The following PIGL variants were observed in gnomAD, a reference collection of about 807,000 sequenced individuals.
PIGL encodes phosphatidylinositol glycan anchor biosynthesis class L, also known as N-acetylglucosaminyl-phosphatidylinositol de-N-acetylase.
A neutral mutation model predicts 31.1 loss-of-function variants in PIGL; 22 were observed. That is an observed-to-expected ratio of 0.71 (90% confidence interval 0.51 to 1.01). The LOEUF (loss-of-function observed/expected upper bound fraction) is 1.01, where lower values mean the gene tolerates loss of function less well. Ranked by LOEUF, PIGL falls within the 50% of genes least tolerant of loss-of-function variation. The pLI, the probability that PIGL is intolerant of heterozygous loss-of-function variation, is 0.00. For synonymous variants in PIGL, 131 were observed against 117.4 expected, an observed-to-expected ratio of 1.12 and a Z score of -0.75; for missense variants, 302 against 315.9, an observed-to-expected ratio of 0.96 and a Z score of 0.33.
intron 1 of PIGL, among the ~76,000 whole-genome samples, chr17:16,229,931 A>G (rs1000796261): frequency 6.1e-5 from 8 of 130,220 alleles, no homozygotes; most frequent in African/African-American, 2.4e-4. Flanking sequence ...GCACGATCTC[A>G]GCTCACTGCA....
chr17:16,248,874 A>G (rs2092759326), intron 2 of PIGL, among the ~76,000 whole-genome samples: 1 of 152,214 alleles, frequency 6.6e-6, no homozygotes, highest in African/African-American at 2.4e-5. Flanking sequence ...CCTGCAGACT[A>G]GAAGTCCCAG....
intron 2 of PIGL, among the ~76,000 whole-genome samples, chr17:16,273,660 A>G (rs1157754655): frequency 1.3e-5 from 2 of 152,086 alleles, no homozygotes; most frequent in Admixed American, 6.6e-5. Context: ...AGAGGTAGCT[A>G]TTCTAAGGCT....
chr17:16,314,052 A>G (rs1476213837), intron 4 of PIGL, among the ~76,000 whole-genome samples: 1 of 152,110 alleles, frequency 6.6e-6, no homozygotes, highest in Non-Finnish European at 1.5e-5. Flanking sequence ...ACAACTCTCA[A>G]ATCTTTCTTG....
chr17:16,237,086 C>T (rs1374405935), intron 2 of PIGL, among the ~76,000 whole-genome samples: 1 of 146,082 alleles, frequency 6.8e-6, no homozygotes, highest in African/African-American at 2.5e-5. Context: ...TACAGGCACT[C>T]ACCACCACAC....
rs770695441 is a variant in PIGL at position 16,313,616 on chromosome 17, TATG to T, written c.494+5_494+7del. On this transcript the variant is annotated splice_donor_5th_base_variant and intron_variant, in intron 4 of 6. Coordinates refer to ENST00000225609, the MANE Select transcript of PIGL (RefSeq NM_004278.4). The stretch of plus-strand genomic sequence containing the variant: ...CATTGCTCTGTATGCAGCTGTGAGG[TATG>T]ATTCTCCGGGTGATGGATGTGGGGG... 11 of 1,610,046 alleles carry T rather than the reference TATG, an allele frequency of 6.8e-6. No homozygotes were observed. Among genetic ancestry groups the T allele is most frequent in the Admixed American group, 1.7e-5 (1 of 59,994 alleles).
In PIGL at chr17:16,279,349, T is replaced by C. The variant is rs77300367; in HGVS notation, c.336-20539T>C. Among the ~76,000 whole-genome samples, 1,012 of 152,334 alleles carry C rather than the reference T, an allele frequency of 6.6e-3. 11 individuals carry two copies. The highest frequency in any genetic ancestry group is 0.023 in the African/African-American group (945 of 41,568). ...CATTTCTACAACCTAATTTTTGACA[T>C]ATTTTAGATGCCAGTTCATTTACTG... On this transcript the variant is annotated intron_variant, in intron 2 of 6. Coordinates refer to ENST00000225609, the MANE Select transcript of PIGL (RefSeq NM_004278.4).
intron 2 of PIGL, among the ~76,000 whole-genome samples, chr17:16,255,460 A>C (rs11650427): frequency 0.41 from 61,783 of 152,024 alleles, 13,429 homozygotes; most frequent in Middle Eastern, 0.53. Flanking sequence ...AAGGAAATAT[A>C]ATCTGGTACC....
intron 2 of PIGL, among the ~76,000 whole-genome samples, chr17:16,268,812 G>C (rs1391754380): frequency 1.3e-5 from 2 of 151,192 alleles, no homozygotes; most frequent in African/African-American, 4.9e-5. Context: ...GCCCAGGCTG[G>C]AGTGCAGTGG....
At chr17:16,229,213 G>A (rs932413664) in intron 1 of PIGL, among the ~76,000 whole-genome samples, 1 of 152,080 alleles carries the variant, frequency 6.6e-6, no homozygotes, top group Middle Eastern at 3.2e-3. Flanking sequence ...GGAGGTCAAG[G>A]CTGCAGTAAG....
chr17:16,246,505 C>A (rs1033886329), intron 2 of PIGL, among the ~76,000 whole-genome samples: 4 of 149,226 alleles, frequency 2.7e-5, no homozygotes, highest in Admixed American at 2.7e-4. Flanking sequence ...AGTGAGACTC[C>A]GTCTCAAAAA....
At chr17:16,310,919 G>A (rs1049270281) in intron 3 of PIGL, among the ~76,000 whole-genome samples, 8 of 152,204 alleles carry the variant, frequency 5.3e-5, no homozygotes, top group African/African-American at 1.7e-4. Context: ...CCACCACTCA[G>A]TGGCAAGGTG....
chr17:16,256,425 C>T (rs2092793784), intron 2 of PIGL, among the ~76,000 whole-genome samples: 1 of 152,170 alleles, frequency 6.6e-6, no homozygotes, highest in South Asian at 2.1e-4. Flanking sequence ...GCAACCTCCA[C>T]CTCCCGATTC....
intron 4 of PIGL, 85 bp from the exon 5 acceptor site, chr17:16,316,596 G>A (rs1206515278): frequency 8.2e-6 from 11 of 1,348,722 alleles, no homozygotes; most frequent in Non-Finnish European, 9.2e-6. Context: ...CATGGGCATG[G>A]CAGCCTTTCC....
chr17:16,290,245 G>A (rs1307217741), intron 2 of PIGL, among the ~76,000 whole-genome samples: 3 of 150,726 alleles, frequency 2.0e-5, no homozygotes, highest in African/African-American at 7.3e-5. Context: ...ACCACACCCG[G>A]CTAATTATTG....
chr17:16,260,117 C>T (rs921253972), intron 2 of PIGL, among the ~76,000 whole-genome samples: 21 of 152,172 alleles, frequency 1.4e-4, no homozygotes, highest in Admixed American at 5.2e-4. Context: ...AGTGGGAGGC[C>T]GAGGGGGTGC....
chr17:16,221,233 G>C (rs2092627528), intron 1 of PIGL, among the ~76,000 whole-genome samples: 1 of 152,110 alleles, frequency 6.6e-6, no homozygotes, highest in Admixed American at 6.6e-5. Flanking sequence ...TTAAAGAGCT[G>C]TACCTGTAAT....
intron 2 of PIGL, among the ~76,000 whole-genome samples, chr17:16,281,377 C>A (rs1339802187): frequency 6.6e-6 from 1 of 152,216 alleles, no homozygotes; most frequent in African/African-American, 2.4e-5. Context: ...AAAAGAATAT[C>A]AACGGCTTTT....
chr17:16,263,524 T>G (rs1252510159), intron 2 of PIGL, among the ~76,000 whole-genome samples: 1 of 151,050 alleles, frequency 6.6e-6, no homozygotes, highest in Non-Finnish European at 1.5e-5. Context: ...TTTAGGTTTT[T>G]TTTTGTTTTT....
intron 2 of PIGL, among the ~76,000 whole-genome samples, chr17:16,269,097 T>G (rs1247627485): frequency 6.6e-6 from 1 of 152,206 alleles, no homozygotes; most frequent in Non-Finnish European, 1.5e-5. Context: ...TCTACATCCC[T>G]TAAATTTATT....
Sources: gnomAD v4.1 joint callset for allele counts (sites outside exome capture counted in the v4.1 genomes callset) on GRCh38, gnomAD v4.1.1 for gene constraint, MANE v1.5 for transcripts, NCBI Gene and HGNC (gene_info 2026-07-23, HGNC 2026-07-21) for gene names.